The following ZNF180 variants were observed in gnomAD, a reference collection of about 807,000 sequenced individuals.
The protein encoded by ZNF180 is zinc finger protein 180, also known as zinc finger protein 180 (HHZ168).
In ZNF180, 11 loss-of-function variants were observed where a neutral mutation model predicts 11.8. The ratio of observed to expected loss-of-function variants is 0.93; its 90% CI spans 0.59 to 1.55. The LOEUF is 1.55. Ranked by LOEUF, ZNF180 falls within the 40% of genes most tolerant of loss-of-function variation. The pLI, the probability that ZNF180 is intolerant of heterozygous loss-of-function variation, is 0.00. For synonymous variants in ZNF180, 287 were observed against 257.7 expected (o/e 1.11, Z -1.09); for missense variants, 773 against 781.7 (o/e 0.99, Z 0.13).
intron 1 of ZNF180, among the ~76,000 whole-genome samples, chr19:44,498,628 G>T (rs986574478): frequency 6.6e-6 from 1 of 152,016 alleles, no homozygotes; most frequent in Non-Finnish European, 1.5e-5. Flanking sequence ...ACTCATCTCC[G>T]GCCTCCTGTT....
intron 3 of ZNF180, among the ~76,000 whole-genome samples, chr19:44,483,318 C>T (rs1970131149): frequency 6.6e-6 from 1 of 152,054 alleles, no homozygotes; most frequent in African/African-American, 2.4e-5. Context: ...TCAAGTATTC[C>T]CTTGACCTTT....
chr19:44,497,187 C>A (rs1399004721), intron 2 of ZNF180, 97 bp downstream of exon 2: 4 of 1,112,400 alleles, frequency 3.6e-6, no homozygotes, highest in Non-Finnish European at 4.9e-6. Context: ...GCCTCAAACC[C>A]CCTAAAAGGC....
chr19:44,477,033 T>C lies in ZNF180; in HGVS notation c.1367A>G (p.His456Arg). 2 of 1,614,194 alleles carry C rather than the reference T, an allele frequency of 1.2e-6. No homozygotes were observed. The highest frequency in any genetic ancestry group is 1.7e-6 in the Non-Finnish European group (2 of 1,180,018). The change falls in exon 5 of 5, where the codon CAT (histidine) becomes CGT (arginine). Residue 456 changes from histidine (H) to arginine (R), a missense_variant. By Grantham distance (29) the His-to-Arg change is conservative. Transcript: ENST00000592529. ...SFIQSYKLIA[H>R]QRIHTGEKPY... is the part of the protein sequence containing the mutation. The stretch of plus-strand genomic sequence containing the variant: ...TTTTTCCCCAGTATGAATTCTTTGA[T>C]GTGCAATAAGTTTATAGCTCTGGAT...
intron 2 of ZNF180, among the ~76,000 whole-genome samples, chr19:44,489,953 G>A: frequency 7.6e-6 from 1 of 132,300 alleles, no homozygotes; most frequent in Non-Finnish European, 1.6e-5. Flanking sequence ...AAGAAAGAGG[G>A]AAAAGAAAGA....
At chr19:44,498,187 G>C (rs1970639603) in intron 1 of ZNF180, among the ~76,000 whole-genome samples, 1 of 152,086 alleles carries the variant, frequency 6.6e-6, no homozygotes, top group South Asian at 2.1e-4. Context: ...AGGGCTGGGG[G>C]CCTCCAACAG....
At chr19:44,480,454 A>G (rs1034961483) in intron 3 of ZNF180, among the ~76,000 whole-genome samples, 4 of 152,188 alleles carry the variant, frequency 2.6e-5, no homozygotes, top group Admixed American at 2.0e-4. Flanking sequence ...ATTAGGCCTA[A>G]TAATACCTAA....
intron 2 of ZNF180, among the ~76,000 whole-genome samples, chr19:44,488,757 G>A (rs1159980988): frequency 6.6e-6 from 1 of 151,592 alleles, no homozygotes; most frequent in Non-Finnish European, 1.5e-5. Context: ...CCTCTGCCTG[G>A]CTGCCCAGTC....
chr19:44,489,658 T>C (rs1970371327), intron 2 of ZNF180, among the ~76,000 whole-genome samples: 1 of 129,742 alleles, frequency 7.7e-6, no homozygotes, highest in African/African-American at 2.8e-5. Context: ...CACTTGTTTA[T>C]CTGCTGACCT....
rs186350351 is a variant in ZNF180, at chr19:44,480,550, C to T, written c.127-1141G>A. ...ATGAAACAACGAAGGCCAGCAATTACAGGCTGAGTATCCCATAGCTAAAAT... is the reference window on the plus strand; with the variant it reads ...ATGAAACAACGAAGGCCAGCAATTATAGGCTGAGTATCCCATAGCTAAAAT... On this transcript the variant is annotated intron_variant, in intron 3 of 4. Transcript: ENST00000592529. Among the ~76,000 whole-genome samples the T allele has an allele frequency of 1.3e-3, 194 of 152,300 alleles. 2 individuals are homozygous for T. Among genetic ancestry groups the T allele is most frequent in the Non-Finnish European group, 2.4e-3 (161 of 68,028 alleles).
chr19:44,482,807 ACACTATTAG>A lies in ZNF180; in HGVS notation c.126+1545_126+1553del, dbSNP rs551787258. ...ATTCTCAAAGGGCTCCTGTGAGAAA[ACACTATTAG>A]CAGTATTATTTTTTTCTTATGAAGA... is the stretch of plus-strand genomic sequence containing the variant. On this transcript the variant is annotated intron_variant, in intron 3 of 4. Transcript: ENST00000592529. 5.3e-4 allele frequency among the ~76,000 whole-genome samples: 81 copies of A among 152,352 alleles called. 2 individuals carry two copies. The highest frequency in any genetic ancestry group is 1.4e-3 in the African/African-American group (60 of 41,582).
At chr19:44,491,056 T>C (rs1167811690) in intron 2 of ZNF180, among the ~76,000 whole-genome samples, 1 of 152,236 alleles carries the variant, frequency 6.6e-6, no homozygotes, top group Non-Finnish European at 1.5e-5. Context: ...CTGTCCTGTT[T>C]ACCGTGACTC....
chr19:44,478,202 G>A, intron 4 of ZNF180, 56 bp from the exon 5 acceptor site: 6 of 1,445,904 alleles, frequency 4.1e-6, no homozygotes, highest in African/African-American at 1.4e-5. Context: ...ATGGAAAAAT[G>A]GAATAAAGCT....
At chr19:44,484,884 G>A (rs1053602600) in intron 2 of ZNF180, 1 of 167,488 alleles carries the variant, frequency 6.0e-6, no homozygotes, top group African/African-American at 2.4e-5. Context: ...TAGCAGGCCG[G>A]GTGCGGTGGC....
At chr19:44,494,097 T>C (rs1970516603) in intron 2 of ZNF180, among the ~76,000 whole-genome samples, 2 of 152,192 alleles carry the variant, frequency 1.3e-5, no homozygotes, top group South Asian at 2.1e-4. Context: ...CAGGATGTTT[T>C]TGCTTTCCCT....
At position 44,478,074 on chromosome 19, in the gene ZNF180, C is replaced by T; in HGVS notation, c.326G>A (p.Gly109Glu). The change falls in exon 5 of 5, where the codon GGA (glycine) becomes GAA (glutamate). Residue 109 changes from glycine (G) to glutamate (E), a missense_variant. Coordinates refer to ENST00000592529, the MANE Select transcript of ZNF180 (RefSeq NM_001278509.3). The stretch of plus-strand genomic sequence containing the variant: ...CCTTGTAAACCTTTCTATCTTCACT[C>T]CATTAGCTGGTTCTTCATCAAAAAT... ...QRIFDEEPAN[G>E]VKIERFTRDD... is the part of the protein sequence containing the mutation. 6.2e-7 allele frequency: 1 copy of T among 1,607,812 alleles called. No homozygotes were observed. The highest frequency in any genetic ancestry group is 8.5e-7 in the Non-Finnish European group (1 of 1,176,364).
chr19:44,500,242 G>T, intron 1 of ZNF180, 33 bp downstream of exon 1: 1 of 1,613,938 alleles, frequency 6.2e-7, no homozygotes. Flanking sequence ...TGCGCGCATC[G>T]GACACCAAGC....
intron 2 of ZNF180, among the ~76,000 whole-genome samples, chr19:44,485,786 T>C (rs542782995): frequency 6.6e-6 from 1 of 152,226 alleles, no homozygotes. Flanking sequence ...TCATATATAA[T>C]GACAGTACAT....
chr19:44,500,106 A>T (rs1970706263), intron 1 of ZNF180, 169 bp downstream of exon 1: 2 of 1,576,116 alleles, frequency 1.3e-6, no homozygotes, highest in East Asian at 2.2e-5. Flanking sequence ...ACAGTCGCGG[A>T]ATATACAGCT....
At chr19:44,479,484 C>T (rs1231147803) in intron 3 of ZNF180, 75 bp from the exon 4 acceptor site, 21 of 1,584,052 alleles carry the variant, frequency 1.3e-5, no homozygotes, top group Admixed American at 1.9e-5. Flanking sequence ...AAAAGTCTGA[C>T]AGATGGAAAA....
Sources: gnomAD v4.1 joint callset for allele counts (sites outside exome capture counted in the v4.1 genomes callset) on GRCh38, gnomAD v4.1.1 for gene constraint, MANE v1.5 for transcripts, NCBI Gene and HGNC (gene_info 2026-07-23, HGNC 2026-07-21) for gene names.